TSHZ3: variants seen among roughly 807,000 people sequenced by gnomAD.
TSHZ3 encodes the protein teashirt zinc finger homeobox 3, also known as teashirt homolog 3.
Under a neutral mutation model 64.5 loss-of-function variants are expected in TSHZ3, and 10 were observed. That is an observed-to-expected ratio of 0.16 (90% CI 0.10 to 0.26). The LOEUF (loss-of-function observed/expected upper bound fraction) is 0.26, where lower values mean the gene tolerates loss of function less well. Among genes scored for constraint, TSHZ3 ranks in the 10% least tolerant of loss-of-function variants. The pLI is 1.00. For missense variants in TSHZ3, 1,242 were observed against 1,421.7 expected (o/e 0.87, Z 2.03); for synonymous variants, 608 against 593.1 (o/e 1.03, Z -0.36).
intron 5 of TSHZ3, among the ~76,000 whole-genome samples, chr19:31,188,386 G>A (rs1410915517): frequency 1.3e-5 from 2 of 151,572 alleles, no homozygotes; most frequent in Non-Finnish European, 3.0e-5. Context: ...CTATTGTACT[G>A]GCTAAACCCT....
At chr19:31,298,126 C>T (rs1300605277) in intron 1 of TSHZ3, among the ~76,000 whole-genome samples, 2 of 152,094 alleles carry the variant, frequency 1.3e-5, no homozygotes, top group South Asian at 2.1e-4. Context: ...TTCCCTTGCA[C>T]CCAGGGAAGG....
intron 1 of TSHZ3, among the ~76,000 whole-genome samples, chr19:31,303,680 T>C (rs1051355227): frequency 2.0e-5 from 3 of 152,032 alleles, no homozygotes; most frequent in Non-Finnish European, 4.4e-5. Flanking sequence ...TGTCAAGGCC[T>C]CACAGGCCAG....
At chr19:31,227,657 T>C (rs1287528884) in intron 4 of TSHZ3, among the ~76,000 whole-genome samples, 1 of 152,120 alleles carries the variant, frequency 6.6e-6, no homozygotes, top group Non-Finnish European at 1.5e-5. Flanking sequence ...ACCTGTGGGC[T>C]TTATATTGCG....
rs142320114 is a variant in TSHZ3, at chr19:31,197,489, GA to G, written n.809+7466del. On this transcript the variant is annotated intron_variant and non_coding_transcript_variant, in intron 5 of 6. Coordinates refer to the TSHZ3 transcript ENST00000651361. The stretch of plus-strand genomic sequence containing the variant: ...GAGAAATCAATGAAATTGAACTCAA[GA>G]AAAAAAAAATAGAGAAAATTTATGA... Among the ~76,000 whole-genome samples, 199 of 144,534 alleles carry G rather than the reference GA, an allele frequency of 1.4e-3. 1 individual carries two copies. In the East Asian group the frequency reaches 0.021, roughly 15 times the overall value. 94.8% of individuals were successfully genotyped at this position (144,534 alleles called of 152,430 possible). A position where few individuals can be genotyped will look rare whatever the true frequency, so the allele number is the denominator to read the frequency against.
intron 4 of TSHZ3, among the ~76,000 whole-genome samples, chr19:31,223,910 C>T (rs1482697834): frequency 2.0e-5 from 3 of 152,128 alleles, no homozygotes; most frequent in African/African-American, 7.2e-5. Context: ...GGGGAAGGAC[C>T]ACAGTGGAAG....
At chr19:31,305,297 T>C (rs1916262245) in intron 1 of TSHZ3, among the ~76,000 whole-genome samples, 1 of 149,246 alleles carries the variant, frequency 6.7e-6, no homozygotes, top group Non-Finnish European at 1.5e-5. Context: ...ATGTGTGTGG[T>C]GAATTCTGCT....
chr19:31,223,900 G>A (rs1160620832), intron 4 of TSHZ3, among the ~76,000 whole-genome samples: 1 of 152,196 alleles, frequency 6.6e-6, no homozygotes, highest in Non-Finnish European at 1.5e-5. Flanking sequence ...CACTCAGTGA[G>A]GGGAAGGACC....
intron 5 of TSHZ3, among the ~76,000 whole-genome samples, chr19:31,168,455 A>T (rs1394096238): frequency 6.6e-6 from 1 of 152,234 alleles, no homozygotes; most frequent in Non-Finnish European, 1.5e-5. Flanking sequence ...GCGATTGTCC[A>T]AATTCACCCT....
intron 5 of TSHZ3, among the ~76,000 whole-genome samples, chr19:31,183,975 C>T (rs149482649): frequency 1.3e-5 from 2 of 152,180 alleles, no homozygotes; most frequent in East Asian, 3.9e-4. Context: ...ATTCCTTAAC[C>T]CTATTGATAA....
intron 1 of TSHZ3, among the ~76,000 whole-genome samples, chr19:31,301,074 C>T (rs1344765085): frequency 6.6e-6 from 1 of 152,066 alleles, no homozygotes; most frequent in African/African-American, 2.4e-5. Flanking sequence ...TTTTCATTAC[C>T]ATTAGCAAAT....
At chr19:31,188,795 C>G (rs1372702909) in intron 5 of TSHZ3, among the ~76,000 whole-genome samples, 1 of 151,736 alleles carries the variant, frequency 6.6e-6, no homozygotes, top group Admixed American at 6.6e-5. Flanking sequence ...TAGCATTGAG[C>G]TAGGTTCATC....
At chr19:31,266,262 T>C (rs989281162) in intron 1 of TSHZ3, among the ~76,000 whole-genome samples, 1 of 152,126 alleles carries the variant, frequency 6.6e-6, no homozygotes, top group Non-Finnish European at 1.5e-5. Flanking sequence ...GAAACTGGTA[T>C]ACCCAGCCTC....
intron 1 of TSHZ3, among the ~76,000 whole-genome samples, chr19:31,342,600 T>C (rs951404051): frequency 2.6e-5 from 4 of 152,338 alleles, no homozygotes; most frequent in African/African-American, 9.6e-5. Context: ...GCCTATTTTA[T>C]GCAACATGCA....
chr19:31,264,417 C>T (rs1255547236), intron 1 of TSHZ3, among the ~76,000 whole-genome samples: 2 of 152,196 alleles, frequency 1.3e-5, no homozygotes, highest in Non-Finnish European at 2.9e-5. Context: ...TCTGCCTCCT[C>T]CTCCCTCCTA....
At chr19:31,229,897 A>G (rs1975516632) in intron 3 of TSHZ3, among the ~76,000 whole-genome samples, 1 of 152,208 alleles carries the variant, frequency 6.6e-6, no homozygotes, top group African/African-American at 2.4e-5. Context: ...ACATTTTCTA[A>G]AAAAGAAAAG....
intron 4 of TSHZ3, among the ~76,000 whole-genome samples, chr19:31,220,413 A>T (rs1975382266): frequency 6.7e-6 from 1 of 148,912 alleles, no homozygotes; most frequent in African/African-American, 2.6e-5. Context: ...GTTGTAAGTT[A>T]GACAGCAACT....
intron 5 of TSHZ3, among the ~76,000 whole-genome samples, chr19:31,177,684 G>T (rs926373172): frequency 6.6e-6 from 1 of 152,208 alleles, no homozygotes; most frequent in African/African-American, 2.4e-5. Flanking sequence ...AGTTCTGCGC[G>T]CTGGGAAGCA....
At chr19:31,315,327 G>T (rs920098391) in intron 1 of TSHZ3, among the ~76,000 whole-genome samples, 2 of 152,044 alleles carry the variant, frequency 1.3e-5, no homozygotes, top group Admixed American at 6.5e-5. Flanking sequence ...CCCCAGCCCC[G>T]CCCTGTCCCA....
intron 1 of TSHZ3, among the ~76,000 whole-genome samples, chr19:31,254,854 T>C (rs1008665166): frequency 6.6e-6 from 1 of 151,904 alleles, no homozygotes; most frequent in Non-Finnish European, 1.5e-5. Flanking sequence ...CTGATGCTGA[T>C]GGACAAGGCC....
Sources: gnomAD v4.1 joint callset for allele counts (sites outside exome capture counted in the v4.1 genomes callset) on GRCh38, gnomAD v4.1.1 for gene constraint, MANE v1.5 for transcripts, NCBI Gene and HGNC (gene_info 2026-07-23, HGNC 2026-07-21) for gene names.